Variants in MYO9A observed in about 807,000 individuals in gnomAD.
The protein encoded by MYO9A is unconventional myosin-IXa.
MYO9A carries 103 observed loss-of-function variants against 293.3 expected under a neutral mutation model. That is an observed-to-expected ratio of 0.35 (90% CI 0.30 to 0.41). The LOEUF (loss-of-function observed/expected upper bound fraction) is 0.41. MYO9A is among the 10% of genes least tolerant of loss of function. The pLI, the probability that MYO9A is intolerant of heterozygous loss-of-function variation, is 1.00. For missense variants in MYO9A, 2,685 were observed against 3,033.0 expected (o/e 0.89, Z 2.69); for synonymous variants, 1,001 against 1,035.7 (o/e 0.97, Z 0.64).
intron 3 of MYO9A, among the ~76,000 whole-genome samples, chr15:72,030,340 A>G (rs945544565): frequency 2.0e-5 from 3 of 152,176 alleles, no homozygotes; most frequent in Non-Finnish European, 2.9e-5. Context: ...AGTAAAAAGC[A>G]TAACTTTTAA....
At chr15:71,980,619 G>A (rs2076248742) in intron 11 of MYO9A, among the ~76,000 whole-genome samples, 1 of 152,176 alleles carries the variant, frequency 6.6e-6, no homozygotes, top group Admixed American at 6.5e-5. Flanking sequence ...AAGATCACTT[G>A]AGGCCATGAG....
chr15:72,112,579 GTAT>G (rs1188255017), intron 1 of MYO9A, among the ~76,000 whole-genome samples: 2 of 152,102 alleles, frequency 1.3e-5, no homozygotes, highest in African/African-American at 2.4e-5. Context: ...AACCTTAGTA[GTAT>G]TATGTTATTT....
At position 71,948,029 on chromosome 15, in the gene MYO9A, C is replaced by T. The variant is rs28379334; in HGVS notation, c.2302+3748G>A. 4.2e-3 allele frequency among the ~76,000 whole-genome samples: 639 copies of T among 152,200 alleles called. 6 individuals are homozygous for T. The highest frequency in any genetic ancestry group is 0.015 in the African/African-American group (612 of 41,522). On this transcript the variant is annotated intron_variant, in intron 15 of 41. Transcript: ENST00000356056. ...AGCCACTTTGGAGAGAAGGCGAGAG[C>T]ACCAGAAAGAAAGAGAAGGAGGAAA...
At chr15:72,015,393 T>C (rs2077301614) in intron 6 of MYO9A, among the ~76,000 whole-genome samples, 1 of 152,200 alleles carries the variant, frequency 6.6e-6, no homozygotes, top group South Asian at 2.1e-4. Flanking sequence ...TCATGATCTC[T>C]GAAAGCACTA....
chr15:71,895,450 A>G, intron 25 of MYO9A, among the ~76,000 whole-genome samples: 1 of 152,208 alleles, frequency 6.6e-6, no homozygotes, highest in East Asian at 1.9e-4. Flanking sequence ...TTCTAATTAT[A>G]AAACCCAATG....
Position 72,020,963 on chromosome 15 carries a change from T to C in MYO9A, c.1053A>G (p.Ser351=), listed in dbSNP as rs762413192. Residue 351 remains serine (S), a synonymous_variant, in exon 5 of 42, where the codon TCA becomes TCG. Transcript: ENST00000356056. ...CCTCTGGTTGCTTAAGATGGAATGC[T>C]GATCTCTCATCTTCACTTGCTCCTG... ...LLAGASEDER[S]AFHLKQPEEY... 7.7e-6 allele frequency: 12 copies of C among 1,551,290 alleles called. No homozygotes were observed. Among genetic ancestry groups the C allele is most frequent in the Non-Finnish European group, 9.5e-6 (11 of 1,157,904 alleles).
intron 1 of MYO9A, among the ~76,000 whole-genome samples, chr15:72,066,697 G>C (rs779400631): frequency 3.9e-4 from 60 of 152,114 alleles, no homozygotes; most frequent in East Asian, 3.9e-4. Flanking sequence ...TCTTAATATG[G>C]GTGGTGGATA....
chr15:71,834,863 G>A (rs1052224929), intron 39 of MYO9A, among the ~76,000 whole-genome samples: 15 of 151,800 alleles, frequency 9.9e-5, no homozygotes, highest in African/African-American at 2.7e-4. Flanking sequence ...TAACTACAAC[G>A]GAATCAAGTA....
intron 8 of MYO9A, among the ~76,000 whole-genome samples, chr15:72,004,310 C>A (rs2076955355): frequency 6.6e-6 from 1 of 152,254 alleles, no homozygotes; most frequent in African/African-American, 2.4e-5. Context: ...GTAATCCCAA[C>A]ACTTTGGGAG....
chr15:71,922,377 T>C (rs1355933897), intron 18 of MYO9A, among the ~76,000 whole-genome samples: 1 of 152,258 alleles, frequency 6.6e-6, no homozygotes, highest in Non-Finnish European at 1.5e-5. Context: ...TGGGGCACAA[T>C]GTGATATTAT....
At chr15:72,081,993 AG>A (rs2079559975) in intron 1 of MYO9A, among the ~76,000 whole-genome samples, 2 of 152,158 alleles carry the variant, frequency 1.3e-5, no homozygotes, top group East Asian at 3.8e-4. Context: ...GTTTTTGCTT[AG>A]GATTGCCTTG....
At chr15:72,036,278 A>AT (rs1179844021) in intron 2 of MYO9A, among the ~76,000 whole-genome samples, 3 of 152,220 alleles carry the variant, frequency 2.0e-5, no homozygotes. Context: ...TGAAAAGATC[A>AT]TTGAGAGTGA....
intron 1 of MYO9A, among the ~76,000 whole-genome samples, chr15:72,099,875 C>T (rs1049092049): frequency 6.8e-6 from 1 of 147,206 alleles, no homozygotes; most frequent in Non-Finnish European, 1.5e-5. Context: ...GCACTCCAGC[C>T]CTCCAGCCTG....
chr15:71,957,726 T>G (rs2059237061), intron 14 of MYO9A, among the ~76,000 whole-genome samples: 1 of 152,180 alleles, frequency 6.6e-6, no homozygotes, highest in African/African-American at 2.4e-5. Flanking sequence ...TGGAAAACCT[T>G]GAAGCTCTCT....
intron 5 of MYO9A, among the ~76,000 whole-genome samples, chr15:72,020,171 G>T (rs545365696): frequency 3.3e-5 from 5 of 152,114 alleles, no homozygotes; most frequent in African/African-American, 9.6e-5. Context: ...ATTTATTTCC[G>T]TAGACATTAC....
At chr15:72,096,301 G>A (rs1039547923) in intron 1 of MYO9A, among the ~76,000 whole-genome samples, 4 of 151,996 alleles carry the variant, frequency 2.6e-5, no homozygotes, top group Non-Finnish European at 5.9e-5. Context: ...TCACACCACC[G>A]CACTCCGGCC....
Position 72,117,983 on chromosome 15 carries a change from T to G in MYO9A, c.-375A>C, listed in dbSNP as rs1056153990. On this transcript the variant is annotated 5_prime_UTR_variant, in exon 1 of 42. Transcript: ENST00000356056. ...CAGCGGCCGCCTCTGCCGGTGCAAC[T>G]ACTGCCTCCGCCGCCGCCTCTCGCA... 21 of 399,434 alleles carry G rather than the reference T, an allele frequency of 5.3e-5. No individual in the cohort carries two copies. The highest frequency in any genetic ancestry group is 8.8e-5 in the Non-Finnish European group (20 of 227,070). The allele number at this position is 399,434 out of a possible 1,614,324, so 24.7% of individuals were successfully genotyped here. A position where few individuals can be genotyped will look rare whatever the true frequency, so the allele number is the denominator to read the frequency against.
chr15:71,853,923 G>C (rs1303188979), intron 35 of MYO9A, among the ~76,000 whole-genome samples: 1 of 152,180 alleles, frequency 6.6e-6, no homozygotes, highest in Non-Finnish European at 1.5e-5. Flanking sequence ...GTCACTTATT[G>C]GCGATCAGTC....
intron 1 of MYO9A, among the ~76,000 whole-genome samples, chr15:72,047,826 A>G: frequency 9.2e-6 from 1 of 108,684 alleles, no homozygotes; most frequent in Non-Finnish European, 1.7e-5. Flanking sequence ...CACCCAGGCT[A>G]GAGTACAGCG....
Sources: gnomAD v4.1 joint callset for allele counts (sites outside exome capture counted in the v4.1 genomes callset) on GRCh38, gnomAD v4.1.1 for gene constraint, MANE v1.5 for transcripts, NCBI Gene and HGNC (gene_info 2026-07-23, HGNC 2026-07-21) for gene names.